Variants in PDZK1 observed in about 807,000 individuals in gnomAD.
PDZK1 encodes PDZ domain containing 1.
In PDZK1, 23 loss-of-function variants were observed where a neutral mutation model predicts 38.1. The observed-to-expected ratio is 0.60, with a 90% CI of 0.43 to 0.85. The LOEUF (loss-of-function observed/expected upper bound fraction) is 0.85, where lower values mean the gene tolerates loss of function less well. Ranked by LOEUF, PDZK1 falls within the 40% of genes least tolerant of loss-of-function variation. PDZK1 has a pLI of 0.00. For synonymous variants in PDZK1, 98 were observed against 186.2 expected (o/e 0.53, Z 3.86); for missense variants, 297 against 504.3 (o/e 0.59, Z 3.94).
At chr1:145,680,589 G>A (rs1355769284) in intron 5 of PDZK1, among the ~76,000 whole-genome samples, 1 of 152,022 alleles carries the variant, frequency 6.6e-6, no homozygotes, top group African/African-American at 2.4e-5. Context: ...GACATGGGAG[G>A]AGTATTTACA....
chr1:145,698,960 A>G (rs1380333307), intron 1 of PDZK1, among the ~76,000 whole-genome samples: 1 of 151,964 alleles, frequency 6.6e-6, no homozygotes, highest in African/African-American at 2.4e-5. Context: ...AATAAAGGCC[A>G]GGTACAGTGG....
chr1:145,680,196 C>T (rs587674215), intron 5 of PDZK1, among the ~76,000 whole-genome samples: 1 of 152,188 alleles, frequency 6.6e-6, no homozygotes, highest in Admixed American at 6.5e-5. Flanking sequence ...TGGTAGACTC[C>T]TTCACTAAAG....
chr1:145,692,964 T>C (rs1469725941), intron 1 of PDZK1, among the ~76,000 whole-genome samples: 1 of 151,820 alleles, frequency 6.6e-6, no homozygotes, highest in Non-Finnish European at 1.5e-5. Context: ...TAAGCCAAGA[T>C]TGCGTCACTG....
intron 4 of PDZK1, among the ~76,000 whole-genome samples, chr1:145,681,761 T>C (rs1316539062): frequency 8.9e-6 from 1 of 112,276 alleles, no homozygotes; most frequent in Admixed American, 9.2e-5. Flanking sequence ...CAAAAAATCA[T>C]TCTACAAAGA....
chr1:145,676,070 A>T (rs1261338895), intron 6 of PDZK1: 1 of 180,858 alleles, frequency 5.5e-6, no homozygotes, highest in African/African-American at 2.4e-5. Context: ...TTGGGTGTCT[A>T]GTATGTGCCA....
At chr1:145,695,077 G>A (rs1203140953) in intron 1 of PDZK1, among the ~76,000 whole-genome samples, 1 of 151,726 alleles carries the variant, frequency 6.6e-6, no homozygotes, top group Non-Finnish European at 1.5e-5. Context: ...GAAGAAGGAC[G>A]AGACCATTTT....
chr1:145,698,984 T>C (rs1553704621), intron 1 of PDZK1, among the ~76,000 whole-genome samples: 1 of 151,760 alleles, frequency 6.6e-6, no homozygotes, highest in African/African-American at 2.4e-5. Context: ...ATGCCTGTAA[T>C]CCCAGCACTT....
At chr1:145,701,399 C>T (rs1275010374) in intron 1 of PDZK1, among the ~76,000 whole-genome samples, 1 of 151,682 alleles carries the variant, frequency 6.6e-6, no homozygotes, top group Non-Finnish European at 1.5e-5. Context: ...ACTTGCTTTC[C>T]ACTGAACTCC....
intron 1 of PDZK1, among the ~76,000 whole-genome samples, chr1:145,702,847 C>T (rs903277561): frequency 6.6e-6 from 1 of 152,130 alleles, no homozygotes; most frequent in Non-Finnish European, 1.5e-5. Context: ...GAGCCAAGAT[C>T]GTGCCACTGC....
At chr1:145,701,466 C>T (rs775309129) in intron 1 of PDZK1, among the ~76,000 whole-genome samples, 1 of 152,030 alleles carries the variant, frequency 6.6e-6, no homozygotes, top group African/African-American at 2.4e-5. Flanking sequence ...ATTCTCAGGA[C>T]GCTTGACCAC....
chr1:145,673,139 C>T (rs1571568338), intron 7 of PDZK1, 119 bp from the exon 8 acceptor site: 12 of 715,970 alleles, frequency 1.7e-5, no homozygotes, highest in East Asian at 2.5e-5. Context: ...TATTATTTCT[C>T]CTTGAGGTAT....
chr1:145,695,752 A>G (rs1655593044), intron 1 of PDZK1, among the ~76,000 whole-genome samples: 1 of 152,076 alleles, frequency 6.6e-6, no homozygotes, highest in East Asian at 1.9e-4. Context: ...TGTTGTCAAA[A>G]TCCTACTCAC....
At chr1:145,697,505 A>G (rs1655694698) in intron 1 of PDZK1, among the ~76,000 whole-genome samples, 1 of 152,230 alleles carries the variant, frequency 6.6e-6, no homozygotes, top group Admixed American at 6.5e-5. Context: ...AGAGAGAATG[A>G]AAACAGAAAA....
chr1:145,707,266 G>A (rs1656296328), intron 1 of PDZK1, 51 bp downstream of exon 1: 1 of 152,504 alleles, frequency 6.6e-6, no homozygotes, highest in Admixed American at 6.5e-5. Flanking sequence ...AAAGAAGGTA[G>A]TTCAGGCCCC....
rs191055287 is a variant in PDZK1 at position 145,695,066 on chromosome 1, A to G, written c.-2-7043T>C. ...ATATGGATGACATTTCAACAAGTGC[A>G]GAAGAAGGACGAGACCATTTTAGAC... is the stretch of plus-strand genomic sequence containing the variant. On this transcript the variant is annotated intron_variant, in intron 1 of 8. Coordinates refer to ENST00000417171, the MANE Select transcript of PDZK1 (RefSeq NM_001201325.2). Among the ~76,000 whole-genome samples the G allele has an allele frequency of 3.3e-5, 5 of 152,166 alleles. No individual in the cohort carries two copies. The East Asian group carries it at 9.7e-4, about 29-fold the overall frequency.
intron 1 of PDZK1, among the ~76,000 whole-genome samples, chr1:145,689,648 C>T (rs1655078867): frequency 6.6e-6 from 1 of 152,212 alleles, no homozygotes; most frequent in Non-Finnish European, 1.5e-5. Context: ...GGAGTCTGCT[C>T]TTCACACCAC....
At chr1:145,682,462 T>G in intron 4 of PDZK1, 38 bp downstream of exon 4, 1 of 1,365,946 alleles carries the variant, frequency 7.3e-7, no homozygotes, top group Non-Finnish European at 1.0e-6. Context: ...GAGAATAGAG[T>G]GGAAGATAGG....
chr1:145,697,308 C>A (rs1553704286), intron 1 of PDZK1, among the ~76,000 whole-genome samples: 1 of 150,416 alleles, frequency 6.6e-6, no homozygotes, highest in Non-Finnish European at 1.5e-5. Flanking sequence ...GTCTGGGCAA[C>A]AGAGTGAGTG....
At chr1:145,702,980 C>T (rs1393627269) in intron 1 of PDZK1, among the ~76,000 whole-genome samples, 1 of 152,156 alleles carries the variant, frequency 6.6e-6, no homozygotes, top group Non-Finnish European at 1.5e-5. Flanking sequence ...CTCAGCAAGC[C>T]CCAATTGGTC....
Sources: gnomAD v4.1 joint callset for allele counts (sites outside exome capture counted in the v4.1 genomes callset) on GRCh38, gnomAD v4.1.1 for gene constraint, MANE v1.5 for transcripts, NCBI Gene and HGNC (gene_info 2026-07-23, HGNC 2026-07-21) for gene names.